FREM1: variants seen among roughly 807,000 people sequenced by gnomAD.
FREM1 encodes FRAS1-related extracellular matrix protein 1.
Under a neutral mutation model 210.1 loss-of-function variants are expected in FREM1, and 220 were observed. The ratio of observed to expected loss-of-function variants is 1.05; its 90% CI spans 0.94 to 1.17. FREM1 has a LOEUF of 1.17. FREM1 is among the 50% of genes most tolerant of loss of function. The probability of loss-of-function intolerance (pLI) is 0.00; values close to 1 mark genes in which losing one functional copy is unlikely to be tolerated. For synonymous variants in FREM1, 1,189 were observed against 980.2 expected, an observed-to-expected ratio of 1.21 and a Z score of -3.98; for missense variants, 3,454 against 2,675.5, an observed-to-expected ratio of 1.29 and a Z score of -6.42.
At chr9:14,770,075 TA>T (rs1374535855) in intron 26 of FREM1, among the ~76,000 whole-genome samples, 1 of 152,118 alleles carries the variant, frequency 6.6e-6, no homozygotes, top group African/African-American at 2.4e-5. Flanking sequence ...GCTTCAGAAA[TA>T]TTTGCCTTAA....
intron 14 of FREM1, among the ~76,000 whole-genome samples, 195 bp downstream of exon 14, chr9:14,819,039 C>G (rs1441376534): frequency 2.6e-5 from 4 of 152,054 alleles, no homozygotes; most frequent in African/African-American, 9.7e-5. Context: ...TATAGCAAGT[C>G]AGATGGAAAT....
intron 35 of FREM1, among the ~76,000 whole-genome samples, chr9:14,745,248 T>G (rs931709767): frequency 6.6e-6 from 1 of 152,156 alleles, no homozygotes; most frequent in African/African-American, 2.4e-5. Flanking sequence ...GCCTGCACAT[T>G]TACCCCTGAA....
In FREM1 at chr9:14,797,711, A is replaced by G; in HGVS notation, c.3695-69T>C. 3 of 1,331,356 alleles carry G rather than the reference A, an allele frequency of 2.3e-6. 1 individual carries two copies. In the South Asian group the frequency reaches 3.7e-5, roughly 17 times the overall value. 82.5% of individuals were successfully genotyped at this position (1,331,356 alleles called of 1,614,324 possible). A position where few individuals can be genotyped will look rare whatever the true frequency, so the allele number is the denominator to read the frequency against. ...ACCATCATGACATATGTCACAGATA[A>G]TGTCTTAATTTTCAAGGCAGGGGTA... On this transcript the variant is annotated intron_variant, in intron 20 of 36. Transcript: ENST00000380880.
chr9:14,759,111 C>T (rs1249744014), intron 28 of FREM1, among the ~76,000 whole-genome samples: 1 of 151,984 alleles, frequency 6.6e-6, no homozygotes, highest in Non-Finnish European at 1.5e-5. Context: ...AGAGTTCAGC[C>T]CAAGTTCACA....
In FREM1 at chr9:14,841,479, T is replaced by C. The variant is rs1208143238; in HGVS notation, c.1849A>G (p.Ser617Gly). ...ACTGAAAGATTTGGAGGTTCATGGC[T>C]GTCCCACAGGACAAATTGAAAAGAA... ...EDSFQFVLWD[S>G]HEPPNLSVPQ... Residue 617 changes from serine to glycine, a missense_variant, in exon 10 of 37, where the codon AGC becomes GGC. By Grantham distance (56) the Ser-to-Gly change is moderately conservative (BLOSUM62 0). Transcript: ENST00000380880. 6.2e-7 allele frequency: 1 copy of C among 1,611,608 alleles called. No individual in the cohort carries two copies. Among genetic ancestry groups the C allele is most frequent in the Admixed American group, 1.7e-5 (1 of 59,964 alleles).
At chr9:14,746,312 G>T in intron 35 of FREM1, 41 bp downstream of exon 35, 1 of 1,393,430 alleles carries the variant, frequency 7.2e-7, no homozygotes, top group South Asian at 1.2e-5. Flanking sequence ...GAGAAATAGA[G>T]AAAAGAAAAC....
rs1407509633 is a variant in FREM1 at position 14,857,753 on chromosome 9, G to C, written c.632-4C>G. The C allele has an allele frequency of 6.3e-7, 1 of 1,590,254 alleles. No individual in the cohort carries two copies. Among genetic ancestry groups the C allele is most frequent in the Non-Finnish European group, 8.6e-7 (1 of 1,168,004 alleles). ...CACTTCAGTTTTGCTCTCAGTTCTA[G>C]AATGTACAGCACTGGATTAAGAGAG... On this transcript the variant is annotated splice_region_variant and splice_polypyrimidine_tract_variant and intron_variant, in intron 4 of 36. Coordinates refer to ENST00000380880, the MANE Select transcript of FREM1 (RefSeq NM_001379081.2).
chr9:14,742,910 T>C (rs1043720579), intron 35 of FREM1, among the ~76,000 whole-genome samples: 1 of 152,086 alleles, frequency 6.6e-6, no homozygotes, highest in Non-Finnish European at 1.5e-5. Context: ...AGTATAAGGA[T>C]GAAAAACTAA....
At chr9:14,812,120 A>G (rs1032175189) in intron 16 of FREM1, among the ~76,000 whole-genome samples, 2 of 152,146 alleles carry the variant, frequency 1.3e-5, no homozygotes, top group African/African-American at 4.8e-5. Context: ...ATTTAAGTTC[A>G]AAGTCTTTCA....
At chr9:14,772,564 T>C (rs560420909) in intron 25 of FREM1, among the ~76,000 whole-genome samples, 8 of 152,336 alleles carry the variant, frequency 5.3e-5, no homozygotes, top group Non-Finnish European at 1.0e-4. Context: ...GTCAAGAATT[T>C]TTTTTCTTGT....
chr9:14,770,839 C>G, intron 25 of FREM1, 33 bp from the exon 26 acceptor site: 1 of 1,522,656 alleles, frequency 6.6e-7, no homozygotes, highest in Non-Finnish European at 9.0e-7. Flanking sequence ...AAATGTTGTC[C>G]AAAGGCCCCT....
chr9:14,854,819 T>A (rs1488938209), intron 5 of FREM1, among the ~76,000 whole-genome samples: 3 of 152,002 alleles, frequency 2.0e-5, no homozygotes, highest in Non-Finnish European at 4.4e-5. Context: ...TCACCATAGG[T>A]TCACAAAAAC....
At chr9:14,843,505 AG>A (rs1826051390) in intron 8 of FREM1, among the ~76,000 whole-genome samples, 1 of 152,140 alleles carries the variant, frequency 6.6e-6, no homozygotes, top group African/African-American at 2.4e-5. Flanking sequence ...ATAGGTAGGT[AG>A]GTAGGTAGGT....
At chr9:14,829,870 G>A (rs760138314) in intron 10 of FREM1, among the ~76,000 whole-genome samples, 1 of 152,120 alleles carries the variant, frequency 6.6e-6, no homozygotes, top group East Asian at 1.9e-4. Context: ...ATCCAGGAGA[G>A]AGTAATATTA....
At chr9:14,760,081 G>A (rs1263075738) in intron 27 of FREM1, among the ~76,000 whole-genome samples, 180 bp from the exon 28 acceptor site, 2 of 152,172 alleles carry the variant, frequency 1.3e-5, no homozygotes, top group Non-Finnish European at 2.9e-5. Flanking sequence ...TATCTCATTT[G>A]ATCCTTACAA....
chr9:14,840,488 C>CAG (rs1178400405), intron 10 of FREM1, among the ~76,000 whole-genome samples: 1 of 152,104 alleles, frequency 6.6e-6, no homozygotes, highest in African/African-American at 2.4e-5. Flanking sequence ...TGGCAGCAGG[C>CAG]AGAGAGAGAG....
intron 1 of FREM1, among the ~76,000 whole-genome samples, chr9:14,874,147 G>C (rs11506194): frequency 0.19 from 28,582 of 152,092 alleles, 2,821 homozygotes; most frequent in Middle Eastern, 0.26. Context: ...ATATTCTGTT[G>C]ATTTGGGGTG....
intron 1 of FREM1, among the ~76,000 whole-genome samples, chr9:14,906,851 G>A (rs1417527290): frequency 3.9e-5 from 6 of 152,194 alleles, no homozygotes; most frequent in African/African-American, 1.4e-4. Context: ...TAAAGGACTT[G>A]AGGCTCAGTC....
chr9:14,902,868 G>A (rs1389883544), intron 1 of FREM1, among the ~76,000 whole-genome samples: 1 of 152,186 alleles, frequency 6.6e-6, no homozygotes, highest in Non-Finnish European at 1.5e-5. Context: ...TTTTGCTGTA[G>A]TAATGTCTTA....
Sources: allele counts gnomAD v4.1 joint callset (sites outside exome capture counted in the v4.1 genomes callset), GRCh38; gene constraint gnomAD v4.1.1; transcripts MANE v1.5; gene names NCBI Gene and HGNC (gene_info 2026-07-23, HGNC 2026-07-21).